Variants in MACROD2 observed in about 807,000 individuals in gnomAD.
The protein encoded by MACROD2 is ADP-ribose glycohydrolase MACROD2.
MACROD2 carries 36 observed loss-of-function variants against 70.4 expected under a neutral mutation model. The ratio of observed to expected loss-of-function variants is 0.51; its 90% CI spans 0.39 to 0.68. The LOEUF is 0.68. MACROD2 is among the 30% of genes least tolerant of loss of function. MACROD2 has a pLI of 0.00. For missense variants in MACROD2, 496 were observed against 538.4 expected (o/e 0.92, Z 0.78); for synonymous variants, 172 against 178.8 (o/e 0.96, Z 0.30).
intron 4 of MACROD2, among the ~76,000 whole-genome samples, chr20:14,548,269 G>A (rs77743989): frequency 0.13 from 20,015 of 152,002 alleles, 1,644 homozygotes; most frequent in Non-Finnish European, 0.16. Flanking sequence ...TGTTTCTTGA[G>A]TAAATGATTA....
intron 3 of MACROD2, among the ~76,000 whole-genome samples, chr20:14,360,098 G>C (rs999505360): frequency 6.6e-6 from 1 of 151,246 alleles, no homozygotes; most frequent in African/African-American, 2.4e-5. Context: ...CCGGTGGCTT[G>C]CTGGGCACAG....
rs201970232 is a variant in MACROD2 at position 15,073,900 on chromosome 20, G to GA, written c.419-156033dup. 6.8e-3 allele frequency among the ~76,000 whole-genome samples: 1,041 copies of GA among 151,976 alleles called. 10 individuals carry two copies. The highest frequency in any genetic ancestry group is 0.024 in the African/African-American group (994 of 41,470). On this transcript the variant is annotated intron_variant, in intron 5 of 17. Coordinates refer to ENST00000684519, the MANE Select transcript of MACROD2 (RefSeq NM_001351661.2). ...GTTTACTGCCTTGTTCAGTTTCATAGAAAAAAATGATGTACTTTTAGAATT... is the reference window on the plus strand; with the variant it reads ...GTTTACTGCCTTGTTCAGTTTCATAGAAAAAAAATGATGTACTTTTAGAATT...
chr20:15,405,602 C>G (rs2045989672), intron 6 of MACROD2, among the ~76,000 whole-genome samples: 2 of 152,148 alleles, frequency 1.3e-5, no homozygotes. Context: ...GCCTTCTCCA[C>G]CATGGGGACT....
chr20:14,036,073 T>C (rs1601140996), intron 2 of MACROD2, among the ~76,000 whole-genome samples: 1 of 149,492 alleles, frequency 6.7e-6, no homozygotes, highest in Non-Finnish European at 1.5e-5. Flanking sequence ...ATCCAGGAGG[T>C]GGAGCTTGCA....
At chr20:14,777,482 G>C (rs1480946175) in intron 5 of MACROD2, among the ~76,000 whole-genome samples, 3 of 151,828 alleles carry the variant, frequency 2.0e-5, no homozygotes, top group Non-Finnish European at 4.4e-5. Flanking sequence ...GCTGTTTTAT[G>C]GCTTCATATA....
chr20:14,884,111 G>A (rs1006777333), intron 5 of MACROD2: 2 of 152,132 alleles, frequency 1.3e-5, no homozygotes, highest in African/African-American at 4.8e-5. Flanking sequence ...ATATCCCATG[G>A]AGTAGGAATA....
At chr20:14,569,705 A>G (rs895512464) in intron 4 of MACROD2, among the ~76,000 whole-genome samples, 21 of 151,900 alleles carry the variant, frequency 1.4e-4, no homozygotes, top group African/African-American at 4.8e-4. Flanking sequence ...GGAGCTTACT[A>G]TCTTCTGTGT....
intron 3 of MACROD2, among the ~76,000 whole-genome samples, chr20:14,250,312 C>T (rs1194625153): frequency 6.6e-6 from 1 of 152,030 alleles, no homozygotes; most frequent in Admixed American, 6.6e-5. Flanking sequence ...TATTGTATTT[C>T]TCCTCACCTC....
chr20:14,606,269 T>C (rs1236050258), intron 4 of MACROD2, among the ~76,000 whole-genome samples: 1 of 152,212 alleles, frequency 6.6e-6, no homozygotes, highest in Non-Finnish European at 1.5e-5. Context: ...TGTTATTGTA[T>C]GAGTGACCTT....
At chr20:14,631,952 A>G (rs1483028760) in intron 4 of MACROD2, 1 of 152,208 alleles carries the variant, frequency 6.6e-6, no homozygotes, top group Non-Finnish European at 1.5e-5. Flanking sequence ...CCATCTGAGT[A>G]AGAAAAAATT....
intron 5 of MACROD2, among the ~76,000 whole-genome samples, chr20:14,995,122 T>C (rs908164937): frequency 6.6e-6 from 1 of 152,180 alleles, no homozygotes; most frequent in Non-Finnish European, 1.5e-5. Context: ...GGCCTTTTAG[T>C]AACCAACTGT....
chr20:15,954,045 G>A (rs988519266), intron 12 of MACROD2, among the ~76,000 whole-genome samples: 1 of 152,132 alleles, frequency 6.6e-6, no homozygotes, highest in African/African-American at 2.4e-5. Context: ...AAGTGTTTAT[G>A]TTTGAACCCT....
intron 3 of MACROD2, among the ~76,000 whole-genome samples, chr20:14,160,302 GTTC>G (rs2055166484): frequency 1.3e-5 from 2 of 152,164 alleles, no homozygotes; most frequent in Non-Finnish European, 2.9e-5. Flanking sequence ...ATTGGTGTTA[GTTC>G]TTCTTTGGAA....
chr20:14,334,136 A>T (rs1180656319), intron 3 of MACROD2, among the ~76,000 whole-genome samples: 2 of 152,222 alleles, frequency 1.3e-5, no homozygotes, highest in Non-Finnish European at 2.9e-5. Context: ...CTTAAATTAT[A>T]TTCTATTGCT....
At position 15,465,043 on chromosome 20, in the gene MACROD2, C is replaced by T. The variant is rs530500794; in HGVS notation, c.571+33608C>T. Among the ~76,000 whole-genome samples the T allele has an allele frequency of 2.6e-5, 4 of 152,184 alleles. No individual in the cohort carries two copies. In the East Asian group the frequency reaches 7.7e-4, roughly 29 times the overall value. The stretch of plus-strand genomic sequence containing the variant: ...AGTAAAAGCTAGCTTGTACCTTTTT[C>T]TTTACTTGATATACTCTCTCCCTAT... On this transcript the variant is annotated intron_variant, in intron 7 of 17. Transcript: ENST00000684519.
At chr20:14,527,565 T>C (rs545387738) in intron 4 of MACROD2, among the ~76,000 whole-genome samples, 12 of 152,270 alleles carry the variant, frequency 7.9e-5, no homozygotes, top group African/African-American at 2.9e-4. Context: ...CATCAACGAA[T>C]TATACTGACA....
At chr20:15,680,238 A>T (rs1483428299) in intron 8 of MACROD2, among the ~76,000 whole-genome samples, 11 of 152,206 alleles carry the variant, frequency 7.2e-5, no homozygotes, top group Non-Finnish European at 1.6e-4. Flanking sequence ...AAAAGGGAAA[A>T]ATTAGGTAGA....
chr20:15,621,681 G>T (rs191359290), intron 8 of MACROD2, among the ~76,000 whole-genome samples: 1 of 152,258 alleles, frequency 6.6e-6, no homozygotes, highest in Admixed American at 6.5e-5. Context: ...ATTTGTCTTT[G>T]TCTTTAGAGT....
At chr20:14,955,317 A>AGTTT (rs2074526239) in intron 5 of MACROD2, among the ~76,000 whole-genome samples, 3 of 143,048 alleles carry the variant, frequency 2.1e-5, no homozygotes, top group Non-Finnish European at 4.5e-5. Flanking sequence ...TATTATATAT[A>AGTTT]ATTTATATAA....
Sources: allele counts gnomAD v4.1 joint callset (sites outside exome capture counted in the v4.1 genomes callset), GRCh38; gene constraint gnomAD v4.1.1; transcripts MANE v1.5; gene names NCBI Gene and HGNC (gene_info 2026-07-23, HGNC 2026-07-21).